The following ABCA13 variants were observed in gnomAD, a reference collection of about 807,000 sequenced individuals.
ABCA13 encodes ATP-binding cassette sub-family A member 13.
Under a neutral mutation model 478.7 loss-of-function variants are expected in ABCA13, and 476 were observed. The ratio of observed to expected loss-of-function variants is 0.99; its 90% CI spans 0.92 to 1.07. The LOEUF (loss-of-function observed/expected upper bound fraction) is 1.07. ABCA13 is among the 50% of genes least tolerant of loss of function. The pLI is 0.00. For missense variants in ABCA13, 6,060 were observed against 5,910.6 expected (o/e 1.03, Z -0.83); for synonymous variants, 2,252 against 2,158.9 (o/e 1.04, Z -1.20).
chr7:48,319,940 G>GA (rs1803186274), intron 27 of ABCA13, among the ~76,000 whole-genome samples: 1 of 152,082 alleles, frequency 6.6e-6, no homozygotes, highest in African/African-American at 2.4e-5. Context: ...TCTGGGCTCT[G>GA]ATATCCCCAT....
intron 38 of ABCA13, among the ~76,000 whole-genome samples, chr7:48,398,142 AT>A (rs1490153939): frequency 1.3e-5 from 2 of 152,220 alleles, no homozygotes; most frequent in African/African-American, 4.8e-5. Context: ...TGGACTATAT[AT>A]TATGAGATAG....
chr7:48,611,213 C>T (rs994825863), intron 58 of ABCA13, among the ~76,000 whole-genome samples: 1 of 152,208 alleles, frequency 6.6e-6, no homozygotes, highest in Non-Finnish European at 1.5e-5. Flanking sequence ...TCATCTCTAT[C>T]TGAGATCTCC....
intron 31 of ABCA13, among the ~76,000 whole-genome samples, chr7:48,365,107 A>G (rs1364762442): frequency 6.6e-6 from 1 of 152,006 alleles, no homozygotes; most frequent in African/African-American, 2.4e-5. Flanking sequence ...AGCTATTTCA[A>G]TTGGGGTAAG....
chr7:48,213,912 CTTCTAA>C (rs1219586456), intron 3 of ABCA13, among the ~76,000 whole-genome samples: 1 of 152,216 alleles, frequency 6.6e-6, no homozygotes, highest in Non-Finnish European at 1.5e-5. Flanking sequence ...TAAGGCTCCA[CTTCTAA>C]TTCTAGTTCT....
At chr7:48,174,531 A>G (rs375389077) in intron 1 of ABCA13, among the ~76,000 whole-genome samples, 9 of 152,280 alleles carry the variant, frequency 5.9e-5, no homozygotes, top group East Asian at 1.9e-4. Flanking sequence ...CATCATACTT[A>G]TCTTAATACC....
intron 27 of ABCA13, among the ~76,000 whole-genome samples, chr7:48,334,749 G>A: frequency 6.6e-6 from 1 of 152,172 alleles, no homozygotes; most frequent in East Asian, 1.9e-4. Flanking sequence ...GTGACCCTAG[G>A]GAGATGTGGT....
intron 5 of ABCA13, among the ~76,000 whole-genome samples, chr7:48,225,825 G>A (rs1788130594): frequency 6.6e-6 from 1 of 152,180 alleles, no homozygotes; most frequent in Non-Finnish European, 1.5e-5. Flanking sequence ...CTCTTGAGGG[G>A]TGGGAGAGCA....
At chr7:48,173,487 G>A (rs144568957) in intron 1 of ABCA13, among the ~76,000 whole-genome samples, 1 of 152,342 alleles carries the variant, frequency 6.6e-6, no homozygotes, top group Non-Finnish European at 1.5e-5. Flanking sequence ...AACAAGAAAA[G>A]TGAGTTCCTG....
rs558207908 is a variant in ABCA13 at position 48,296,079 on chromosome 7, G to A, written c.9119+216G>A. ...TAATCAGAAGGCTAACTTTATTGGCGATAAAGATATTAGATATAAGAATGT... is the reference window on the plus strand; with the variant it reads ...TAATCAGAAGGCTAACTTTATTGGCAATAAAGATATTAGATATAAGAATGT... On this transcript the variant is annotated intron_variant, in intron 21 of 61. Coordinates refer to ENST00000435803, the MANE Select transcript of ABCA13 (RefSeq NM_152701.5). Among the ~76,000 whole-genome samples the A allele has an allele frequency of 1.1e-3, 168 of 152,238 alleles. 1 individual carries two copies. Among genetic ancestry groups the A allele is most frequent in the African/African-American group, 3.7e-3 (152 of 41,524 alleles).
chr7:48,610,264 CCAGCAGAGTAGT>C (rs1791897801), intron 58 of ABCA13, among the ~76,000 whole-genome samples: 1 of 152,192 alleles, frequency 6.6e-6, no homozygotes, highest in Non-Finnish European at 1.5e-5. Context: ...AGCCCAAAAC[CCAGCAGAGTAGT>C]CATTAAATTT....
At position 48,524,318 on chromosome 7, in the gene ABCA13, G is replaced by A. The variant is rs375697883; in HGVS notation, c.14122G>A (p.Val4708Met). The A allele has an allele frequency of 8.1e-6, 13 of 1,613,014 alleles. No homozygotes were observed. Among genetic ancestry groups the A allele is most frequent in the Non-Finnish European group, 1.0e-5 (12 of 1,179,518 alleles). Residue 4708 changes from valine (V) to methionine (M), a missense_variant, in exon 54 of 62, where the codon GTG becomes ATG. Val to Met is a conservative substitution (Grantham distance 21). This residue lies in a region of ABCA13 where 1,627 missense variants were observed against 1,571.0 expected (regional missense o/e 1.04). Transcript: ENST00000435803. The part of the protein sequence containing the change: ...DTDVEKEEKR[V>M]FEGRTNGDIL... ...AGATGTTGAAAAAGAGGAAAAGAGA[G>A]TGTTTGAAGGAAGGACCAATGGAGA...
Position 48,274,920 on chromosome 7 carries a change from C to T in ABCA13, c.5254C>T (p.His1752Tyr). 1 of 1,613,914 alleles carries T rather than the reference C, an allele frequency of 6.2e-7. No homozygotes were observed. Among genetic ancestry groups the T allele is most frequent in the Non-Finnish European group, 8.5e-7 (1 of 1,179,818 alleles). Residue 1752 changes from histidine (H) to tyrosine (Y), a missense_variant, in exon 17 of 62, where the codon CAT (histidine) becomes TAT (tyrosine). By Grantham distance (83) the His-to-Tyr change is moderately conservative (BLOSUM62 2). Around this residue, in one of 3 missense-constraint regions of ABCA13, gnomAD observed 4,423 missense variants for 4,309.1 expected, o/e 1.03. Transcript: ENST00000435803. ...GATAGATGTGTACTATGTGCTTCCT[C>T]ATGCTGTAAGGCTCCTGCAGGGAGT... is the stretch of plus-strand genomic sequence containing the variant. ...AVIDVYYVLP[H>Y]AVRLLQGVPG...
At chr7:48,468,580 C>A (rs890587351) in intron 44 of ABCA13, among the ~76,000 whole-genome samples, 1 of 152,144 alleles carries the variant, frequency 6.6e-6, no homozygotes, top group Admixed American at 6.5e-5. Flanking sequence ...GGGCTTGATT[C>A]ACTAGGACCT....
At position 48,376,448 on chromosome 7, in the gene ABCA13, A is replaced by G. The variant is rs537474539; in HGVS notation, c.11211A>G (p.Gln3737=). The part of the protein sequence containing the change: ...TFLEGQETGI[Q]WNNMYQALEQ... ...CCTTTTTCTTCCTGCTAGGGATTCA[A>G]TGGAATAATATGTACCAGGCTCTGG... The change falls in exon 35 of 62, where the codon CAA becomes CAG. Residue 3737 remains glutamine (Q), a synonymous_variant. Coordinates refer to ENST00000435803, the MANE Select transcript of ABCA13 (RefSeq NM_152701.5). The G allele has an allele frequency of 6.9e-5, 112 of 1,613,186 alleles. No homozygotes were observed. Among genetic ancestry groups the G allele is most frequent in the Non-Finnish European group, 8.5e-5 (100 of 1,179,608 alleles).
At chr7:48,562,375 A>G (rs905485976) in intron 55 of ABCA13, among the ~76,000 whole-genome samples, 3 of 152,058 alleles carry the variant, frequency 2.0e-5, no homozygotes, top group African/African-American at 7.2e-5. Flanking sequence ...TGGAAGTTAG[A>G]GCTTTGGTTT....
chr7:48,556,879 C>A (rs547290052), intron 55 of ABCA13, among the ~76,000 whole-genome samples: 3 of 151,734 alleles, frequency 2.0e-5, no homozygotes, highest in Non-Finnish European at 2.9e-5. Context: ...TCTCATCTTT[C>A]TTTTATTCCT....
chr7:48,237,055 G>A (rs549422304), intron 8 of ABCA13, among the ~76,000 whole-genome samples: 171 of 148,320 alleles, frequency 1.2e-3, no homozygotes, highest in Non-Finnish European at 1.8e-3. Flanking sequence ...GTGGGCAGGG[G>A]ACTAGGAAAT....
chr7:48,339,604 T>A (rs576654310), intron 29 of ABCA13, among the ~76,000 whole-genome samples: 1 of 152,344 alleles, frequency 6.6e-6, no homozygotes, highest in Admixed American at 6.5e-5. Context: ...GAATAGGTTT[T>A]CCCACATGTA....
chr7:48,419,400 A>T (rs2129115726), intron 41 of ABCA13, among the ~76,000 whole-genome samples: 1 of 152,310 alleles, frequency 6.6e-6, no homozygotes, highest in Admixed American at 6.5e-5. Context: ...TAAAAAATTT[A>T]TATTTATGTA....
Sources: allele counts gnomAD v4.1 joint callset (sites outside exome capture counted in the v4.1 genomes callset), GRCh38; gene constraint gnomAD v4.1.1; regional missense constraint gnomAD v4.1.1; transcripts MANE v1.5; gene names NCBI Gene and HGNC (gene_info 2026-07-23, HGNC 2026-07-21).